ASIC2: variants seen among roughly 807,000 people sequenced by gnomAD.
The protein encoded by ASIC2 is acid-sensing ion channel 2.
A neutral mutation model predicts 57.3 loss-of-function variants in ASIC2; 25 were observed. The observed-to-expected ratio is 0.44, with a 90% CI of 0.32 to 0.61. The LOEUF is 0.61. ASIC2 is among the 20% of genes least tolerant of loss of function. The pLI, the probability that ASIC2 is intolerant of heterozygous loss-of-function variation, is 0.06. For missense variants in ASIC2, 641 were observed against 738.1 expected, an observed-to-expected ratio of 0.87 and a Z score of 1.52; for synonymous variants, 319 against 307.5, an observed-to-expected ratio of 1.04 and a Z score of -0.39.
chr17:33,230,148 G>A (rs1023301553), intron 1 of ASIC2, among the ~76,000 whole-genome samples: 11 of 152,208 alleles, frequency 7.2e-5, no homozygotes, highest in African/African-American at 2.7e-4. Context: ...TTTCTGGGGT[G>A]AGGCACAGGA....
chr17:33,492,010 C>CCCTTAAATG (rs1341868900), intron 1 of ASIC2, among the ~76,000 whole-genome samples: 1 of 152,200 alleles, frequency 6.6e-6, no homozygotes, highest in Admixed American at 6.5e-5. Flanking sequence ...AAGATCCTGT[C>CCCTTAAATG]TCCCTCTAAT....
chr17:33,042,910 C>T (rs1409408901), intron 3 of ASIC2, among the ~76,000 whole-genome samples: 3 of 151,882 alleles, frequency 2.0e-5, no homozygotes, highest in South Asian at 2.1e-4. Flanking sequence ...ACAACCTTGC[C>T]GATTAAACAT....
At chr17:33,783,230 C>G (rs913846605) in intron 1 of ASIC2, among the ~76,000 whole-genome samples, 1 of 152,228 alleles carries the variant, frequency 6.6e-6, no homozygotes, top group African/African-American at 2.4e-5. Flanking sequence ...AAGGCACTAA[C>G]CATCTCCTTC....
chr17:33,742,780 T>C (rs1332651777), intron 1 of ASIC2, among the ~76,000 whole-genome samples: 1 of 152,114 alleles, frequency 6.6e-6, no homozygotes, highest in African/African-American at 2.4e-5. Flanking sequence ...GACCAGATGG[T>C]GATGTAAATC....
intron 1 of ASIC2, among the ~76,000 whole-genome samples, chr17:33,375,994 G>A (rs1463106081): frequency 6.6e-6 from 1 of 152,154 alleles, no homozygotes; most frequent in African/African-American, 2.4e-5. Flanking sequence ...GAATGGAGAC[G>A]TTGAATAGGC....
intron 1 of ASIC2, among the ~76,000 whole-genome samples, chr17:33,563,275 A>T (rs998754382): frequency 1.3e-5 from 2 of 152,218 alleles, no homozygotes; most frequent in African/African-American, 4.8e-5. Context: ...GACACTTTAC[A>T]TGTCTGCTAA....
At chr17:33,329,066 C>G (rs1907197743) in intron 1 of ASIC2, among the ~76,000 whole-genome samples, 1 of 150,650 alleles carries the variant, frequency 6.6e-6, no homozygotes, top group African/African-American at 2.4e-5. Context: ...AGGAAAAAAG[C>G]TCAGAATTCA....
chr17:34,151,182 A>G (rs532903479), intron 1 of ASIC2, among the ~76,000 whole-genome samples: 4 of 152,142 alleles, frequency 2.6e-5, no homozygotes, highest in African/African-American at 9.6e-5. Flanking sequence ...TATTCCAGGA[A>G]CAGCAAGTAA....
chr17:33,527,168 T>G (rs12103532), intron 1 of ASIC2, among the ~76,000 whole-genome samples: 21,696 of 152,076 alleles, frequency 0.14, 4,211 homozygotes, highest in African/African-American at 0.44. Context: ...CTGTTCTTCT[T>G]CAGATGTGTG....
chr17:33,731,798 A>G (rs1006663252), intron 1 of ASIC2, among the ~76,000 whole-genome samples: 11 of 152,146 alleles, frequency 7.2e-5, no homozygotes, highest in Non-Finnish European at 1.5e-5. Context: ...CTCCTCTTCA[A>G]TGTGCCCACA....
At chr17:33,349,881 A>G (rs1267927489) in intron 1 of ASIC2, among the ~76,000 whole-genome samples, 1 of 152,124 alleles carries the variant, frequency 6.6e-6, no homozygotes, top group East Asian at 1.9e-4. Context: ...ACTAGTAGAT[A>G]AGTGGTAGTC....
At chr17:33,350,560 T>C (rs1402479083) in intron 1 of ASIC2, among the ~76,000 whole-genome samples, 1 of 151,952 alleles carries the variant, frequency 6.6e-6, no homozygotes, top group Non-Finnish European at 1.5e-5. Context: ...TGCGCACCTG[T>C]AGTCCCAGCT....
intron 1 of ASIC2, among the ~76,000 whole-genome samples, chr17:33,610,492 G>A (rs1905369003): frequency 6.6e-6 from 1 of 151,986 alleles, no homozygotes; most frequent in Admixed American, 6.6e-5. Flanking sequence ...TCTTAACCTG[G>A]GCTCCTTTCC....
chr17:33,581,749 C>A (rs947695161), intron 1 of ASIC2, among the ~76,000 whole-genome samples: 1 of 152,162 alleles, frequency 6.6e-6, no homozygotes, highest in Non-Finnish European at 1.5e-5. Context: ...GTGTCCTATG[C>A]GATGAAGGGA....
rs1054190863 is a variant in ASIC2 at position 33,491,555 on chromosome 17, T to A, written c.556-379488A>T. On this transcript the variant is annotated intron_variant, in intron 1 of 9. Coordinates refer to the ASIC2 transcript ENST00000359872. Reference sequence around the variant, plus strand: ...GCCGAACACTGCATGCCAGTGAGTTTCCTTAATTGCAGCATTAGGAACATA... The same window carrying A: ...GCCGAACACTGCATGCCAGTGAGTTACCTTAATTGCAGCATTAGGAACATA... 1.4e-3 allele frequency among the ~76,000 whole-genome samples: 216 copies of A among 152,352 alleles called. 1 individual carries two copies. Among genetic ancestry groups the A allele is most frequent in the African/African-American group, 4.8e-3 (198 of 41,588 alleles).
intron 1 of ASIC2, chr17:34,038,371 A>G (rs1425139440): frequency 6.8e-6 from 11 of 1,611,340 alleles, no homozygotes; most frequent in East Asian, 4.5e-5. Flanking sequence ...CTATTCTGGG[A>G]TGGTCCAGCT....
Position 33,853,879 on chromosome 17 carries a change from G to A in ASIC2, c.555+302099C>T, listed in dbSNP as rs531016598. Among the ~76,000 whole-genome samples, 3 of 152,252 alleles carry A rather than the reference G, an allele frequency of 2.0e-5. No individual in the cohort carries two copies. In the South Asian group the frequency reaches 6.2e-4, roughly 32 times the overall value. On this transcript the variant is annotated intron_variant, in intron 1 of 9. Coordinates refer to the ASIC2 transcript ENST00000359872. The stretch of plus-strand genomic sequence containing the variant: ...ATTCTGGATGTACCAACAGGTAGAC[G>A]CTTAACCTTGACACCTTAAGTTCTC...
chr17:33,181,090 C>T lies in ASIC2; in HGVS notation c.709-69023G>A, dbSNP rs115975108. Among the ~76,000 whole-genome samples, 1,473 of 152,168 alleles carry T rather than the reference C, an allele frequency of 9.7e-3. 27 individuals carry two copies. Among genetic ancestry groups the T allele is most frequent in the African/African-American group, 0.033 (1,382 of 41,480 alleles). On this transcript the variant is annotated intron_variant, in intron 1 of 9. Coordinates refer to ENST00000225823, the MANE Select transcript of ASIC2 (RefSeq NM_183377.2). ...TAGGAGCTGGAAGAGACTTGGTGACCGAGATTACCATCCACCAGGGGTCAT... is the reference window on the plus strand; with the variant it reads ...TAGGAGCTGGAAGAGACTTGGTGACTGAGATTACCATCCACCAGGGGTCAT...
chr17:34,111,670 G>A (rs1460592415), intron 1 of ASIC2, among the ~76,000 whole-genome samples: 3 of 152,108 alleles, frequency 2.0e-5, no homozygotes, highest in Admixed American at 2.0e-4. Context: ...TTATTATAAG[G>A]GAGAATCTGC....
Sources: allele counts gnomAD v4.1 joint callset (sites outside exome capture counted in the v4.1 genomes callset), GRCh38; gene constraint gnomAD v4.1.1; transcripts MANE v1.5; gene names NCBI Gene and HGNC (gene_info 2026-07-23, HGNC 2026-07-21).